The following WDR49 variants were observed in gnomAD, a reference collection of about 807,000 sequenced individuals.
The protein encoded by WDR49 is cilia- and flagella-associated protein 337.
Under a neutral mutation model 119.5 loss-of-function variants are expected in WDR49, and 107 were observed. The ratio of observed to expected loss-of-function variants is 0.90; its 90% CI spans 0.77 to 1.05. The LOEUF is 1.05. Ranked by LOEUF, WDR49 falls within the 50% of genes least tolerant of loss-of-function variation. WDR49 has a pLI of 0.00. For missense variants in WDR49, 1,240 were observed against 1,220.5 expected, an observed-to-expected ratio of 1.02 and a Z score of -0.24; for synonymous variants, 425 against 418.8, an observed-to-expected ratio of 1.01 and a Z score of -0.18.
intron 2 of WDR49, among the ~76,000 whole-genome samples, chr3:167,633,120 T>TGC (rs113359853): frequency 6.8e-6 from 1 of 148,060 alleles, no homozygotes; most frequent in Non-Finnish European, 1.5e-5. Context: ...TGTGTGTGTG[T>TGC]AAGGTTTTGG....
At chr3:167,563,353 C>CAAAAAAAAAAAAAAA (rs61247447) in intron 8 of WDR49, among the ~76,000 whole-genome samples, 9 of 55,890 alleles carry the variant, frequency 1.6e-4, no homozygotes, top group Non-Finnish European at 3.1e-4. Context: ...GATTCTGAAT[C>CAAAAAAAAAAAAAAA]AAAAAAAAAA....
chr3:167,571,024 CAAAA>C (rs202109133), intron 8 of WDR49, among the ~76,000 whole-genome samples: 1 of 84,340 alleles, frequency 1.2e-5, no homozygotes, highest in Admixed American at 1.4e-4. Context: ...GACTCCATCT[CAAAA>C]AAAAAAAAAA....
In WDR49 at chr3:167,619,124, T is replaced by C. The variant is rs188439954; in HGVS notation, c.958+1305A>G. Among the ~76,000 whole-genome samples, 790 of 152,312 alleles carry C rather than the reference T, an allele frequency of 5.2e-3. 21 individuals carry two copies. Among genetic ancestry groups the C allele is most frequent in the Admixed American group, 0.046 (706 of 15,300 alleles). ...ATTTACTCATATTATTTAAAGGTTATGGACTCAAATAATACATTAACTTTC... is the reference window on the plus strand; with the variant it reads ...ATTTACTCATATTATTTAAAGGTTACGGACTCAAATAATACATTAACTTTC... On this transcript the variant is annotated intron_variant, in intron 5 of 18. Transcript: ENST00000682715.
chr3:167,503,040 C>T (rs573244008), intron 17 of WDR49, among the ~76,000 whole-genome samples: 46 of 152,290 alleles, frequency 3.0e-4, no homozygotes, highest in African/African-American at 1.1e-3. Flanking sequence ...CCATCACAGG[C>T]CCACAGGCAT....
intron 12 of WDR49, 145 bp downstream of exon 12, chr3:167,532,734 G>T (rs1752893778): frequency 5.6e-6 from 3 of 531,758 alleles, no homozygotes; most frequent in Non-Finnish European, 6.6e-6. Context: ...TAGCTACTTT[G>T]GCAAGACAAT....
intron 7 of WDR49, among the ~76,000 whole-genome samples, chr3:167,579,524 C>T (rs1347158222): frequency 6.6e-6 from 1 of 152,094 alleles, no homozygotes; most frequent in Admixed American, 6.6e-5. Flanking sequence ...CAAGCTTGAA[C>T]TAACCTAGTC....
At chr3:167,560,361 ACTTT>A (rs2108270296) in intron 8 of WDR49, 133 bp from the exon 9 acceptor site, 2 of 893,128 alleles carry the variant, frequency 2.2e-6, no homozygotes, top group African/African-American at 1.7e-5. Flanking sequence ...TTTGTAATGG[ACTTT>A]CTTTCTATTA....
In WDR49 at chr3:167,589,177, C is replaced by G. The variant is rs150842131; in HGVS notation, c.1275+12950G>C. 7.8e-3 allele frequency among the ~76,000 whole-genome samples: 1,194 copies of G among 152,212 alleles called. 17 individuals carry two copies. Among genetic ancestry groups the G allele is most frequent in the African/African-American group, 0.027 (1,140 of 41,564 alleles). Reference sequence around the variant, plus strand: ...TATAGATATTCAATTTACCCAGCACCATTTATTGAAGAAACTGTCTTTTCC... The same window carrying G: ...TATAGATATTCAATTTACCCAGCACGATTTATTGAAGAAACTGTCTTTTCC... On this transcript the variant is annotated intron_variant, in intron 7 of 18. Transcript: ENST00000682715.
intron 5 of WDR49, among the ~76,000 whole-genome samples, chr3:167,618,462 G>A (rs993140334): frequency 1.3e-5 from 2 of 152,118 alleles, no homozygotes; most frequent in African/African-American, 4.8e-5. Context: ...AGTGTTTAAA[G>A]TAAATGTGTG....
At chr3:167,503,402 C>T (rs558974595) in intron 17 of WDR49, among the ~76,000 whole-genome samples, 21 of 152,290 alleles carry the variant, frequency 1.4e-4, no homozygotes, top group African/African-American at 5.1e-4. Context: ...TGGCGGTGGG[C>T]CACTTCCAAG....
chr3:167,511,567 C>G (rs1290941953), intron 16 of WDR49, among the ~76,000 whole-genome samples: 1 of 152,106 alleles, frequency 6.6e-6, no homozygotes, highest in African/African-American at 2.4e-5. Flanking sequence ...CCAGGGAAAC[C>G]ATGTTTTTTT....
At chr3:167,629,046 C>G (rs1717251705) in intron 2 of WDR49, among the ~76,000 whole-genome samples, 1 of 151,994 alleles carries the variant, frequency 6.6e-6, no homozygotes, top group Admixed American at 6.6e-5. Context: ...TGCTTGAGCC[C>G]AGAGTTTGAG....
chr3:167,515,582 C>T (rs1752165886), intron 16 of WDR49, among the ~76,000 whole-genome samples: 1 of 152,138 alleles, frequency 6.6e-6, no homozygotes, highest in African/African-American at 2.4e-5. Flanking sequence ...CGGCACAAGA[C>T]AAAGATGCCC....
chr3:167,497,895 A>T lies in WDR49; in HGVS notation c.3031+2258T>A, dbSNP rs1751418899. ...TCATTCTTTTTTTTTTTTTTTTTCAACAGGCTAGTGCAGTGGCACAATTTC... is the reference window on the plus strand; with the variant it reads ...TCATTCTTTTTTTTTTTTTTTTTCATCAGGCTAGTGCAGTGGCACAATTTC... On this transcript the variant is annotated intron_variant, in intron 18 of 18. Coordinates refer to ENST00000682715, the MANE Select transcript of WDR49 (RefSeq NM_001366157.1). 2.3e-5 allele frequency among the ~76,000 whole-genome samples: 3 copies of T among 131,166 alleles called. No individual in the cohort carries two copies. In the South Asian group the frequency reaches 6.6e-4, roughly 29 times the overall value. 86.0% of individuals were successfully genotyped at this position (131,166 alleles called of 152,430 possible).
rs1027601010 is a variant in WDR49, at chr3:167,537,218, G to T, written c.1824-218C>A. Reference sequence around the variant, plus strand: ...AATTATAAATTTTTGACAATAGAAGGTTAATTATCCTTTCATAATCGTTAA... The same window carrying T: ...AATTATAAATTTTTGACAATAGAAGTTTAATTATCCTTTCATAATCGTTAA... On this transcript the variant is annotated intron_variant, in intron 10 of 18. Transcript: ENST00000682715. 6.6e-5 allele frequency among the ~76,000 whole-genome samples: 10 copies of T among 151,976 alleles called. No individual in the cohort carries two copies. The East Asian group carries it at 1.5e-3, about 23-fold the overall frequency.
At chr3:167,517,673 GAT>G (rs1215456814) in intron 16 of WDR49, among the ~76,000 whole-genome samples, 24 of 150,208 alleles carry the variant, frequency 1.6e-4, no homozygotes, top group African/African-American at 5.7e-4. Flanking sequence ...TGACCAATGA[GAT>G]ATTTTTTTTT....
chr3:167,564,849 C>G lies in WDR49; in HGVS notation c.1510-4621G>C, dbSNP rs115242290. Reference sequence around the variant, plus strand: ...GTCACCTAATTGTCTTATTGCTATTCCAATAACAGTAGGCACTTTAGTTGT... The same window carrying G: ...GTCACCTAATTGTCTTATTGCTATTGCAATAACAGTAGGCACTTTAGTTGT... On this transcript the variant is annotated intron_variant, in intron 8 of 18. Transcript: ENST00000682715. 5.0e-3 allele frequency among the ~76,000 whole-genome samples: 755 copies of G among 151,966 alleles called. 8 individuals are homozygous for G. The highest frequency in any genetic ancestry group is 0.018 in the African/African-American group (730 of 41,448).
Position 167,495,883 on chromosome 3 carries a change from G to GAAAA in WDR49, c.3031+4266_3031+4269dup. Among the ~76,000 whole-genome samples, 260 of 71,104 alleles carry GAAAA rather than the reference G, an allele frequency of 3.7e-3. 2 individuals are homozygous for GAAAA. The highest frequency in any genetic ancestry group is 0.014 in the Middle Eastern group (1 of 72). The allele number at this position is 71,104 out of a possible 152,430, so 46.6% of individuals were successfully genotyped here. ...GGAAATAAGTTAACTTTAAAAATTT[G>GAAAA]AAAAAAAAAAAAAAAAAAAAAAAGC... On this transcript the variant is annotated intron_variant, in intron 18 of 18. Transcript: ENST00000682715.
chr3:167,555,079 T>C (rs180721901), intron 9 of WDR49, among the ~76,000 whole-genome samples: 2 of 152,280 alleles, frequency 1.3e-5, no homozygotes, highest in African/African-American at 4.8e-5. Flanking sequence ...CTAAATAGCT[T>C]CAGGGTGGAG....
Sources: allele counts gnomAD v4.1 joint callset (sites outside exome capture counted in the v4.1 genomes callset), GRCh38; gene constraint gnomAD v4.1.1; transcripts MANE v1.5; gene names NCBI Gene and HGNC (gene_info 2026-07-23, HGNC 2026-07-21).